WBP4: variants seen among roughly 807,000 people sequenced by gnomAD.
WBP4 encodes the protein WW domain binding protein 4.
In WBP4, 37 loss-of-function variants were observed where a neutral mutation model predicts 55.4. The observed-to-expected ratio is 0.67, with a 90% CI of 0.51 to 0.88. WBP4 has a LOEUF of 0.88. Among genes scored for constraint, WBP4 ranks in the 40% least tolerant of loss-of-function variants. The probability of loss-of-function intolerance (pLI) is 0.00; values close to 1 mark genes in which losing one functional copy is unlikely to be tolerated. For synonymous variants in WBP4, 142 were observed against 140.2 expected (o/e 1.01, Z -0.09); for missense variants, 398 against 420.8 (o/e 0.95, Z 0.47).
chr13:41,072,045 C>CAAA (rs560903455), intron 6 of WBP4, among the ~76,000 whole-genome samples: 7 of 50,728 alleles, frequency 1.4e-4, no homozygotes, highest in Non-Finnish European at 2.0e-4. Context: ...GACTCCGTCT[C>CAAA]AAAAAAAAAA....
chr13:41,066,875 A>G (rs1242097078), intron 4 of WBP4, among the ~76,000 whole-genome samples: 1 of 152,228 alleles, frequency 6.6e-6, no homozygotes, highest in African/African-American at 2.4e-5. Context: ...TTGATAGCTA[A>G]TACCACATTG....
chr13:41,083,077 T>C lies in WBP4; in HGVS notation c.*163T>C. On this transcript the variant is annotated 3_prime_UTR_variant, in exon 10 of 10. Coordinates refer to ENST00000379487, the MANE Select transcript of WBP4 (RefSeq NM_007187.5). ...AAATATTTTTTCATGTGAAATTTATTTTGGTTCCTAAAATGGAAGCCTACC... is the reference window on the plus strand; with the variant it reads ...AAATATTTTTTCATGTGAAATTTATCTTGGTTCCTAAAATGGAAGCCTACC... The C allele has an allele frequency of 1.3e-6, 1 of 761,070 alleles. No individual in the cohort carries two copies. Among genetic ancestry groups the C allele is most frequent in the East Asian group, 2.8e-5 (1 of 35,102 alleles). The allele number at this position is 761,070 out of a possible 1,614,324, so 47.1% of individuals were successfully genotyped here.
In WBP4 at chr13:41,080,750, T is replaced by G. The variant is rs1374407410; in HGVS notation, c.861T>G (p.Thr287=). ...SLGSNEEKSK[T]LKKSNPYGEW... ...GTTCAAATGAAGAAAAATCGAAAAC[T>G]CTTAAGAAATCAAACCCATATGGAG... The change falls in exon 9 of 10, where the codon ACT becomes ACG. Residue 287 remains threonine (T), a synonymous_variant. Coordinates refer to ENST00000379487, the MANE Select transcript of WBP4 (RefSeq NM_007187.5). The G allele has an allele frequency of 1.0e-5, 16 of 1,607,472 alleles. No homozygotes were observed. The South Asian group carries it at 1.7e-4, about 17-fold the overall frequency.
chr13:41,061,715 T>A (rs1877649973), intron 1 of WBP4, 40 bp downstream of exon 1: 1 of 1,613,262 alleles, frequency 6.2e-7, no homozygotes, highest in Non-Finnish European at 8.5e-7. Flanking sequence ...AGGTGTTGTT[T>A]CTCTGGGCCG....
chr13:41,082,886 A>C lies in WBP4; in HGVS notation c.1103A>C (p.Asn368Thr), dbSNP rs772526460. Residue 368 changes from asparagine to threonine, a missense_variant, in exon 10 of 10, where the codon AAT becomes ACT. Asn to Thr is a moderately conservative substitution (Grantham distance 65). Transcript: ENST00000379487. ...KRRTENGKSR[N>T]LRQRGDDQ ...AGAACTGAAAATGGAAAATCTAGAA[A>C]TTTAAGGCAACGAGGTGATGATCAA... The C allele has an allele frequency of 1.2e-6, 2 of 1,613,932 alleles. No homozygotes were observed. The highest frequency in any genetic ancestry group is 2.7e-5 in the African/African-American group (2 of 74,920).
chr13:41,082,204 C>T (rs981836891), intron 9 of WBP4, among the ~76,000 whole-genome samples: 13 of 152,118 alleles, frequency 8.5e-5, no homozygotes, highest in Non-Finnish European at 1.5e-4. Context: ...CCTCTGCCTC[C>T]CAGGCTGAAG....
At chr13:41,072,528 C>T (rs1440359023) in intron 6 of WBP4, among the ~76,000 whole-genome samples, 1 of 152,246 alleles carries the variant, frequency 6.6e-6, no homozygotes, top group Non-Finnish European at 1.5e-5. Flanking sequence ...AGCTTGCTCA[C>T]TATTTCAACA....
chr13:41,078,808 CAA>C (rs946634211), intron 8 of WBP4, among the ~76,000 whole-genome samples: 7 of 149,860 alleles, frequency 4.7e-5, no homozygotes, highest in East Asian at 2.0e-4. Flanking sequence ...GCCTGGGCGA[CAA>C]GAGTGAAACT....
intron 1 of WBP4, chr13:41,062,168 G>A (rs1365324587): frequency 2.1e-6 from 2 of 941,532 alleles, no homozygotes; most frequent in African/African-American, 4.5e-5. Flanking sequence ...GTTCTCTCTT[G>A]CCTTGAGGCT....
intron 8 of WBP4, among the ~76,000 whole-genome samples, chr13:41,076,958 A>C (rs1878520607): frequency 6.6e-6 from 1 of 152,224 alleles, no homozygotes; most frequent in Non-Finnish European, 1.5e-5. Flanking sequence ...TCCAGTATCC[A>C]ACTTAGGATA....
At chr13:41,062,170 C>G in intron 1 of WBP4, 1 of 971,094 alleles carries the variant, frequency 1.0e-6, no homozygotes, top group South Asian at 4.8e-5. Flanking sequence ...TCTCTCTTGC[C>G]TTGAGGCTCA....
intron 7 of WBP4, among the ~76,000 whole-genome samples, 155 bp downstream of exon 7, chr13:41,073,012 C>T (rs1320260055): frequency 6.6e-6 from 1 of 152,098 alleles, no homozygotes; most frequent in African/African-American, 2.4e-5. Context: ...AAAAACAATA[C>T]AGTGGAAAAG....
chr13:41,063,900 TTTGA>T (rs969884425), intron 2 of WBP4, among the ~76,000 whole-genome samples: 1 of 152,174 alleles, frequency 6.6e-6, no homozygotes, highest in Non-Finnish European at 1.5e-5. Flanking sequence ...TCATGTAAGA[TTTGA>T]TTGACAGAAC....
At chr13:41,062,075 C>T (rs1373807987) in intron 1 of WBP4, 14 of 982,732 alleles carry the variant, frequency 1.4e-5, no homozygotes, top group Non-Finnish European at 1.7e-5. Context: ...CTGGAAGCGG[C>T]CAGCCCTGGA....
chr13:41,081,644 A>G (rs1225190648), intron 9 of WBP4, among the ~76,000 whole-genome samples: 2 of 152,180 alleles, frequency 1.3e-5, no homozygotes, highest in Non-Finnish European at 2.9e-5. Context: ...GATAACTGAT[A>G]GCAAAGAAGG....
intron 6 of WBP4, among the ~76,000 whole-genome samples, chr13:41,072,040 C>T (rs9525446): frequency 2.9e-5 from 4 of 139,068 alleles, no homozygotes; most frequent in Admixed American, 7.3e-5. Flanking sequence ...AGTAAGACTC[C>T]GTCTCAAAAA....
At chr13:41,068,457 G>C in intron 4 of WBP4, 104 bp from the exon 5 acceptor site, 2 of 1,108,478 alleles carry the variant, frequency 1.8e-6, no homozygotes, top group East Asian at 2.7e-5. Context: ...GTTCTCAAAA[G>C]AACCTTATCA....
chr13:41,073,700 C>T (rs1566212119), intron 7 of WBP4, among the ~76,000 whole-genome samples: 1 of 151,680 alleles, frequency 6.6e-6, no homozygotes, highest in Non-Finnish European at 1.5e-5. Context: ...CCCAGCTACT[C>T]AGGAGGCTGA....
At chr13:41,062,279 C>G in intron 1 of WBP4, 1 of 984,966 alleles carries the variant, frequency 1.0e-6, no homozygotes, top group Non-Finnish European at 1.2e-6. Context: ...TGATTTAAGG[C>G]AAACTTTATG....
Sources: allele counts gnomAD v4.1 joint callset (sites outside exome capture counted in the v4.1 genomes callset), GRCh38; gene constraint gnomAD v4.1.1; transcripts MANE v1.5; gene names NCBI Gene and HGNC (gene_info 2026-07-23, HGNC 2026-07-21).